Variants in IL1RAPL1 observed in about 807,000 individuals in gnomAD.
IL1RAPL1 encodes interleukin 1 receptor accessory protein like 1.
In IL1RAPL1, 3 loss-of-function variants were observed where a neutral mutation model predicts 48.4. That is an observed-to-expected ratio of 0.06 (90% CI 0.03 to 0.16). The LOEUF is 0.16. IL1RAPL1 is among the 10% of genes least tolerant of loss of function. The pLI, the probability that IL1RAPL1 is intolerant of heterozygous loss-of-function variation, is 1.00. For missense variants in IL1RAPL1, 349 were observed against 530.6 expected (o/e 0.66, Z 3.36); for synonymous variants, 185 against 187.7 (o/e 0.99, Z 0.12).
chrX:29,310,917 G>A (rs774527413), intron 3 of IL1RAPL1, among the ~76,000 whole-genome samples: 1 of 111,833 alleles, frequency 8.9e-6, no homozygotes, highest in African/African-American at 3.2e-5. Context: ...GTTACTCTAA[G>A]TTTATTGTTT....
intron 2 of IL1RAPL1, among the ~76,000 whole-genome samples, chrX:29,130,490 A>C (rs1428565244): frequency 8.9e-6 from 1 of 112,166 alleles, no homozygotes; most frequent in Non-Finnish European, 1.9e-5. Flanking sequence ...TTCTTATTCA[A>C]CTCAGCATGT....
chrX:29,173,595 C>G (rs1252735154), intron 2 of IL1RAPL1, among the ~76,000 whole-genome samples: 1 of 111,462 alleles, frequency 9.0e-6, no homozygotes, highest in Admixed American at 9.7e-5. Context: ...TTAGCTCAAG[C>G]AACCTGGAAG....
intron 6 of IL1RAPL1, among the ~76,000 whole-genome samples, chrX:29,745,831 T>C (rs1031586031): frequency 9.0e-6 from 1 of 111,140 alleles, no homozygotes; most frequent in African/African-American, 3.3e-5. Context: ...ATGAGGAAAA[T>C]ATACCTCATT....
intron 2 of IL1RAPL1, among the ~76,000 whole-genome samples, chrX:29,120,823 T>C (rs575735853): frequency 8.1e-5 from 9 of 111,652 alleles, no homozygotes; most frequent in South Asian, 7.5e-4. Flanking sequence ...CTCAAGAACA[T>C]AGACGCAAAA....
rs181391032 is a variant in IL1RAPL1 at position 29,057,435 on chromosome X, T to C, written c.83-225503T>C. Among the ~76,000 whole-genome samples the C allele has an allele frequency of 1.7e-3, 191 of 109,812 alleles. 1 individual carries two copies. Among genetic ancestry groups the C allele is most frequent in the South Asian group, 3.9e-3 (10 of 2,545 alleles). On this transcript the variant is annotated intron_variant, in intron 2 of 10. Transcript: ENST00000378993. ...GGCCTACTTTTTTTTTTTCTTTTTT[T>C]TTCTTTTTTTTGAGACAGAGTTTCG...
intron 2 of IL1RAPL1, among the ~76,000 whole-genome samples, chrX:29,244,646 G>A (rs1037926538): frequency 2.1e-4 from 24 of 112,112 alleles, no homozygotes; most frequent in African/African-American, 7.8e-4. Flanking sequence ...CATTTGATAC[G>A]CAATTGTATC....
rs1193474559 is a variant in IL1RAPL1, at chrX:29,903,183, T to TGA, written c.779-14260_779-14259dup. 4.6e-3 allele frequency among the ~76,000 whole-genome samples: 424 copies of TGA among 93,001 alleles called. 3 individuals carry two copies. The highest frequency in any genetic ancestry group is 0.012 in the East Asian group (40 of 3,363). The allele number at this position is 93,001 out of a possible 115,157, so 80.8% of individuals were successfully genotyped here. A position where few individuals can be genotyped will look rare whatever the true frequency, so the allele number is the denominator to read the frequency against. ...CCGTGTGTGTGTGTGTGTGTGTGTGTGAGAGAGAGAGAGAGAGAGAGACAA... is the reference window on the plus strand; with the variant it reads ...CCGTGTGTGTGTGTGTGTGTGTGTGTGAGAGAGAGAGAGAGAGAGAGAGACAA... On this transcript the variant is annotated intron_variant, in intron 6 of 10. Transcript: ENST00000378993.
chrX:28,766,279 C>T lies in IL1RAPL1; in HGVS notation c.-24-23041C>T, dbSNP rs190391043. Among the ~76,000 whole-genome samples the T allele has an allele frequency of 1.1e-3, 124 of 110,874 alleles. 2 individuals are homozygous for T. Among genetic ancestry groups the T allele is most frequent in the Admixed American group, 4.4e-3 (46 of 10,355 alleles). ...CATGTCTGTGTAACCCAAATTCTAG[C>T]AATATCTAGAAAATAGAAATCAAAT... On this transcript the variant is annotated intron_variant, in intron 1 of 10. Transcript: ENST00000378993.
At chrX:29,601,245 C>G (rs1383771267) in intron 5 of IL1RAPL1, among the ~76,000 whole-genome samples, 2 of 112,125 alleles carry the variant, frequency 1.8e-5, no homozygotes, top group African/African-American at 6.5e-5. Flanking sequence ...TGATGACAGT[C>G]TTTTATTTCC....
At chrX:28,879,947 C>G (rs1922464548) in intron 2 of IL1RAPL1, among the ~76,000 whole-genome samples, 1 of 111,620 alleles carries the variant, frequency 9.0e-6, no homozygotes, top group Admixed American at 9.6e-5. Context: ...AGGAATTCAC[C>G]TCCCAAGTGA....
chrX:29,889,443 T>C (rs946436855), intron 6 of IL1RAPL1, among the ~76,000 whole-genome samples: 3 of 111,889 alleles, frequency 2.7e-5, no homozygotes, highest in Non-Finnish European at 5.6e-5. Context: ...TAAATATATG[T>C]ACTCAAAGGG....
chrX:29,034,068 A>G (rs979248037), intron 2 of IL1RAPL1, among the ~76,000 whole-genome samples: 1 of 112,301 alleles, frequency 8.9e-6, no homozygotes, highest in African/African-American at 3.2e-5. Context: ...ATTATTGTCT[A>G]AAACCTTTTT....
chrX:29,248,645 C>G lies in IL1RAPL1; in HGVS notation c.83-34293C>G, dbSNP rs1174865398. ...ACATAAATTAACATTAAACATTTTA[C>G]CCATCGGATTAACAAAGTTAAAAAA... On this transcript the variant is annotated intron_variant, in intron 2 of 10. Transcript: ENST00000378993. 3.6e-5 allele frequency among the ~76,000 whole-genome samples: 4 copies of G among 111,704 alleles called. No homozygotes were observed. In the East Asian group the frequency reaches 1.1e-3, roughly 31 times the overall value.
intron 2 of IL1RAPL1, among the ~76,000 whole-genome samples, chrX:28,896,576 G>A (rs946752217): frequency 9.0e-6 from 1 of 111,312 alleles, no homozygotes; most frequent in African/African-American, 3.3e-5. Flanking sequence ...GAACAAAACT[G>A]TAAGCTGGAC....
chrX:28,968,978 T>C (rs1482853617), intron 2 of IL1RAPL1, among the ~76,000 whole-genome samples: 1 of 112,737 alleles, frequency 8.9e-6, no homozygotes, highest in Admixed American at 9.4e-5. Context: ...AATGGAACAA[T>C]TGGAATTTGT....
At chrX:28,609,911 G>C (rs1007054762) in intron 1 of IL1RAPL1, among the ~76,000 whole-genome samples, 1 of 111,258 alleles carries the variant, frequency 9.0e-6, no homozygotes, top group African/African-American at 3.3e-5. Flanking sequence ...TTTTTAGAAT[G>C]GAATCTTCAT....
chrX:29,388,106 C>CAAAAAAA (rs71862742), intron 3 of IL1RAPL1, among the ~76,000 whole-genome samples: 6 of 51,726 alleles, frequency 1.2e-4, no homozygotes, highest in East Asian at 8.6e-4. Flanking sequence ...AAGGTTAAGC[C>CAAAAAAA]AAAAAAAAAA....
At chrX:29,264,307 G>A (rs1049202248) in intron 2 of IL1RAPL1, among the ~76,000 whole-genome samples, 2 of 111,523 alleles carry the variant, frequency 1.8e-5, no homozygotes, top group African/African-American at 6.5e-5. Flanking sequence ...TTTTGGGAGG[G>A]CATGCTTCCC....
At chrX:29,704,514 C>T (rs1249183570) in intron 6 of IL1RAPL1, among the ~76,000 whole-genome samples, 1 of 109,861 alleles carries the variant, frequency 9.1e-6, no homozygotes, top group Non-Finnish European at 1.9e-5. Context: ...ACTAAAAATA[C>T]AAGAATTAGC....
Sources: allele counts gnomAD v4.1 joint callset (sites outside exome capture counted in the v4.1 genomes callset), GRCh38; gene constraint gnomAD v4.1.1; transcripts MANE v1.5; gene names NCBI Gene and HGNC (gene_info 2026-07-23, HGNC 2026-07-21).